Variants in PCDHA10 observed in about 807,000 individuals in gnomAD.
PCDHA10 encodes protocadherin alpha 10.
PCDHA10 carries 45 observed loss-of-function variants against 61.2 expected under a neutral mutation model. The ratio of observed to expected loss-of-function variants is 0.74; its 90% CI spans 0.58 to 0.94. PCDHA10 has a LOEUF of 0.94. Among genes scored for constraint, PCDHA10 ranks in the 40% least tolerant of loss-of-function variants. The pLI, the probability that PCDHA10 is intolerant of heterozygous loss-of-function variation, is 0.00. For synonymous variants in PCDHA10, 602 were observed against 548.8 expected, an observed-to-expected ratio of 1.10 and a Z score of -1.35; for missense variants, 1,278 against 1,236.2, an observed-to-expected ratio of 1.03 and a Z score of -0.51.
chr5:140,943,435 A>G (rs941814689), intron 1 of PCDHA10, among the ~76,000 whole-genome samples: 2 of 152,148 alleles, frequency 1.3e-5, no homozygotes, highest in African/African-American at 4.8e-5. Flanking sequence ...AATATGATAT[A>G]AAGGATAGAA....
At chr5:140,876,607 T>A in intron 1 of PCDHA10, 1 of 1,614,186 alleles carries the variant, frequency 6.2e-7, no homozygotes, top group Non-Finnish European at 8.5e-7. Context: ...GGATCGTGAC[T>A]CTGGAGCCAA....
chr5:140,972,700 T>C (rs1353443535), intron 1 of PCDHA10, among the ~76,000 whole-genome samples: 3 of 147,702 alleles, frequency 2.0e-5, no homozygotes, highest in African/African-American at 7.5e-5. Context: ...AGTCTCACTC[T>C]GTTGCCAGGC....
intron 1 of PCDHA10, chr5:140,884,153 G>T: frequency 6.2e-7 from 1 of 1,613,470 alleles, no homozygotes; most frequent in Non-Finnish European, 8.5e-7. Flanking sequence ...GCTGTACACT[G>T]GCGAGATCAG....
At chr5:140,954,367 C>T (rs246024) in intron 1 of PCDHA10, among the ~76,000 whole-genome samples, 85,692 of 152,060 alleles carry the variant, frequency 0.56, 24,769 homozygotes, top group African/African-American at 0.69. Context: ...CACACAGTCT[C>T]CCACAATGAG....
chr5:140,934,611 C>T (rs1346764744), intron 1 of PCDHA10, among the ~76,000 whole-genome samples: 2 of 151,950 alleles, frequency 1.3e-5, no homozygotes, highest in Non-Finnish European at 2.9e-5. Context: ...TTTGATTAGC[C>T]TGAGGTACAG....
chr5:140,864,689 C>A (rs970922865), intron 1 of PCDHA10: 4 of 152,202 alleles, frequency 2.6e-5, no homozygotes, highest in African/African-American at 7.2e-5. Context: ...TGCTGTCCTC[C>A]AGTTTAAGTT....
chr5:140,882,133 G>A, intron 1 of PCDHA10: 1 of 1,483,612 alleles, frequency 6.7e-7, no homozygotes, highest in Non-Finnish European at 9.0e-7. Flanking sequence ...TCTTCCTGCA[G>A]AAAATATAGC....
chr5:140,927,666 G>C, intron 1 of PCDHA10: 1 of 1,614,180 alleles, frequency 6.2e-7, no homozygotes, highest in Non-Finnish European at 8.5e-7. Context: ...TTCAAGCCTT[G>C]GATCCAGATG....
chr5:140,907,136 G>A (rs115442963), intron 1 of PCDHA10, among the ~76,000 whole-genome samples: 1,721 of 152,234 alleles, frequency 0.011, 29 homozygotes, highest in African/African-American at 0.038. Flanking sequence ...TGTGAATTCC[G>A]GCTATGGGAG....
At chr5:140,952,960 T>C (rs1195156838) in intron 1 of PCDHA10, among the ~76,000 whole-genome samples, 3 of 151,932 alleles carry the variant, frequency 2.0e-5, no homozygotes, top group Non-Finnish European at 4.4e-5. Flanking sequence ...GGGGAAGTGA[T>C]ACACACTTTT....
Position 141,009,665 on chromosome 5 carries a change from G to T in PCDHA10, c.2575G>T (p.Gly859Cys). 6.2e-7 allele frequency: 1 copy of T among 1,614,022 alleles called. No individual in the cohort carries two copies. Among genetic ancestry groups the T allele is most frequent in the Non-Finnish European group, 8.5e-7 (1 of 1,180,006 alleles). The change falls in exon 4 of 4, where the codon GGT becomes TGT. Residue 859 changes from glycine to cysteine, a missense_variant. By Grantham distance (159) the Gly-to-Cys change is radical (BLOSUM62 -3). Transcript: ENST00000307360. The stretch of plus-strand genomic sequence containing the variant: ...AGAAGTGTCCCCTCCAGTCGGTGCG[G>T]GTGTCAACAGCAACAGCTGGACCTT... ...AGEVSPPVGA[G>C]VNSNSWTFKY...
chr5:140,943,605 CTT>C (rs1232110768), intron 1 of PCDHA10, among the ~76,000 whole-genome samples: 5 of 152,064 alleles, frequency 3.3e-5, no homozygotes, highest in African/African-American at 1.2e-4. Context: ...TAAATATAGA[CTT>C]TGATTCATCT....
At position 140,858,521 on chromosome 5, in the gene PCDHA10, A is replaced by T. The variant is rs782589492; in HGVS notation, c.2388+85A>T. 6.3e-6 allele frequency: 9 copies of T among 1,420,880 alleles called. 2 individuals are homozygous for T. The African/African-American group carries it at 1.3e-4, about 20-fold the overall frequency. 88.0% of individuals were successfully genotyped at this position (1,420,880 alleles called of 1,614,324 possible). ...CATTTTCTCAAATATGTATCAGAAT[A>T]TTTCATTTTTGTCTACATTCCATTT... On this transcript the variant is annotated intron_variant, in intron 1 of 3. Transcript: ENST00000307360.
intron 1 of PCDHA10, among the ~76,000 whole-genome samples, chr5:140,888,038 T>C (rs1195921370): frequency 3.3e-5 from 5 of 152,238 alleles, no homozygotes; most frequent in Non-Finnish European, 7.3e-5. Context: ...TATTAGTACA[T>C]GTATAATAGA....
At chr5:140,981,683 T>A (rs1484532280) in intron 2 of PCDHA10, among the ~76,000 whole-genome samples, 5 of 152,034 alleles carry the variant, frequency 3.3e-5, no homozygotes, top group Non-Finnish European at 5.9e-5. Flanking sequence ...CCTTCCTCCC[T>A]TCCATCATTC....
intron 1 of PCDHA10, among the ~76,000 whole-genome samples, chr5:140,937,827 G>A (rs1328688983): frequency 2.6e-5 from 4 of 151,564 alleles, no homozygotes; most frequent in Non-Finnish European, 5.9e-5. Context: ...CAGGAGAATG[G>A]CATGAACCTG....
At position 140,858,332 on chromosome 5, in the gene PCDHA10, C is replaced by T; in HGVS notation, c.2284C>T (p.Leu762=). The change falls in exon 1 of 4, where the codon CTG becomes TTG. Residue 762 remains leucine, a synonymous_variant. Coordinates refer to ENST00000307360, the MANE Select transcript of PCDHA10 (RefSeq NM_018901.4). ...GCAGAGGGTGTGTTCTGGGGAGGGC[C>T]TGCCCAAGGCGGACCTCATGGCCTT... is the stretch of plus-strand genomic sequence containing the variant. ...RRQRVCSGEG[L]PKADLMAFSP... The T allele has an allele frequency of 6.3e-7, 1 of 1,596,258 alleles. No homozygotes were observed. The highest frequency in any genetic ancestry group is 2.2e-5 in the East Asian group (1 of 44,838).
At chr5:140,883,367 G>A (rs782044159) in intron 1 of PCDHA10, 2 of 1,614,124 alleles carry the variant, frequency 1.2e-6, no homozygotes, top group East Asian at 2.2e-5. Context: ...TCAGCCTAGC[G>A]CCATTATTGC....
At position 140,929,210 on chromosome 5, in the gene PCDHA10, G is replaced by A. The variant is rs782078369; in HGVS notation, c.2389-49739G>A. The A allele has an allele frequency of 1.9e-6, 3 of 1,613,952 alleles. No individual in the cohort carries two copies. The South Asian group carries it at 3.3e-5, about 18-fold the overall frequency. The stretch of plus-strand genomic sequence containing the variant: ...GATAATAACAGTTTGCTGTTGCGTG[G>A]GGAGTACAATGCTGCCGACCTGCGA... On this transcript the variant is annotated intron_variant, in intron 1 of 3. Transcript: ENST00000307360.
Sources: gnomAD v4.1 joint callset for allele counts (sites outside exome capture counted in the v4.1 genomes callset) on GRCh38, gnomAD v4.1.1 for gene constraint, MANE v1.5 for transcripts, NCBI Gene and HGNC (gene_info 2026-07-23, HGNC 2026-07-21) for gene names.